SLC44A5: variants seen among roughly 807,000 people sequenced by gnomAD.
The protein encoded by SLC44A5 is choline transporter-like protein 5.
In SLC44A5, 57 loss-of-function variants were observed where a neutral mutation model predicts 101.8. The ratio of observed to expected loss-of-function variants is 0.56; its 90% CI spans 0.45 to 0.70. The LOEUF is 0.70. Among genes scored for constraint, SLC44A5 ranks in the 30% least tolerant of loss-of-function variants. The pLI, the probability that SLC44A5 is intolerant of heterozygous loss-of-function variation, is 0.00. For missense variants in SLC44A5, 737 were observed against 853.1 expected (o/e 0.86, Z 1.70); for synonymous variants, 281 against 290.9 (o/e 0.97, Z 0.35).
intron 2 of SLC44A5, among the ~76,000 whole-genome samples, chr1:75,440,825 A>G (rs150900159): frequency 6.6e-6 from 1 of 152,218 alleles, no homozygotes; most frequent in African/African-American, 2.4e-5. Context: ...ATAGTACTTC[A>G]CTGAAGGAAT....
intron 9 of SLC44A5, 65 bp downstream of exon 9, chr1:75,241,936 G>T: frequency 7.3e-7 from 1 of 1,371,102 alleles, no homozygotes; most frequent in South Asian, 1.2e-5. Flanking sequence ...TGTGAAATAC[G>T]GGAACTTAAT....
intron 1 of SLC44A5, among the ~76,000 whole-genome samples, chr1:75,555,693 A>G (rs1239899506): frequency 1.3e-5 from 2 of 152,088 alleles, no homozygotes; most frequent in Non-Finnish European, 2.9e-5. Flanking sequence ...GGGTAGTCAC[A>G]AAGTCTAATG....
chr1:75,210,505 C>T (rs1033739010), intron 23 of SLC44A5, among the ~76,000 whole-genome samples: 3 of 152,208 alleles, frequency 2.0e-5, no homozygotes, highest in African/African-American at 7.2e-5. Flanking sequence ...GCACTCCTCT[C>T]CGAATCCTAT....
chr1:75,671,696 G>C, the SLC44A5 span, among the ~76,000 whole-genome samples: 5 of 152,196 alleles, frequency 3.3e-5, no homozygotes, highest in Admixed American at 2.6e-4. Context: ...AGAATTGATA[G>C]TGATGAGTGC....
At position 75,214,666 on chromosome 1, in the gene SLC44A5, C is replaced by T; in HGVS notation, c.1741G>A (p.Gly581Ser). ...TTTGCTGACCTGCAGAAGTTTCTGC[C>T]ATATATTGCAATCTGAGGAAGACAG... ...RNAYIMIAIY[G>S]RNFCRSAKDA... The change falls in exon 20 of 24, where the codon GGC becomes AGC. Residue 581 changes from glycine (G) to serine (S), a missense_variant. Physicochemically the swap from Gly to Ser is moderately conservative, Grantham distance 56. This residue lies in a region of SLC44A5 where 665 missense variants were observed against 764.4 expected (regional missense o/e 0.87). Transcript: ENST00000370859. 6.2e-7 allele frequency: 1 copy of T among 1,610,912 alleles called. No individual in the cohort carries two copies. The highest frequency in any genetic ancestry group is 1.3e-5 in the African/African-American group (1 of 74,950).
In SLC44A5 at chr1:75,428,621, T is replaced by A. The variant is rs972770709; in HGVS notation, c.14-32000A>T. Among the ~76,000 whole-genome samples, 4 of 152,184 alleles carry A rather than the reference T, an allele frequency of 2.6e-5. No homozygotes were observed. The South Asian group carries it at 8.3e-4, about 32-fold the overall frequency. On this transcript the variant is annotated intron_variant, in intron 2 of 23. Transcript: ENST00000370859. ...ACCAAGAGGGCACTATTTAGCATAATAAACTAAACCTGACAGGCATCCCCA... is the reference window on the plus strand; with the variant it reads ...ACCAAGAGGGCACTATTTAGCATAAAAAACTAAACCTGACAGGCATCCCCA...
the SLC44A5 span, among the ~76,000 whole-genome samples, chr1:75,670,394 C>T: frequency 6.6e-6 from 1 of 152,024 alleles, no homozygotes; most frequent in African/African-American, 2.4e-5. Flanking sequence ...CTAGACAACA[C>T]AAAATGAAAT....
At chr1:75,509,082 G>C (rs1438398325) in intron 2 of SLC44A5, among the ~76,000 whole-genome samples, 4 of 152,210 alleles carry the variant, frequency 2.6e-5, no homozygotes, top group Admixed American at 6.5e-5. Flanking sequence ...GACTGGCATG[G>C]GCCTTCAGAA....
rs530894440 is a variant in SLC44A5 at position 75,477,627 on chromosome 1, T to C, written c.13+63808A>G. On this transcript the variant is annotated intron_variant, in intron 2 of 23. Transcript: ENST00000370859. ...AATGCAGAAGCCTCAGGAGCCGATG[T>C]GATCAACTGGAAGAAAGGGTATCAG... Among the ~76,000 whole-genome samples the C allele has an allele frequency of 6.5e-4, 99 of 152,260 alleles. 2 individuals are homozygous for C. The highest frequency in any genetic ancestry group is 2.2e-3 in the African/African-American group (93 of 41,552).
the SLC44A5 span, among the ~76,000 whole-genome samples, chr1:75,620,489 G>T: frequency 6.6e-6 from 1 of 152,080 alleles, no homozygotes; most frequent in Non-Finnish European, 1.5e-5. Flanking sequence ...ATCCTCTCCA[G>T]CATCTGTTAT....
intron 5 of SLC44A5, among the ~76,000 whole-genome samples, chr1:75,293,858 T>G (rs1223051918): frequency 6.6e-6 from 1 of 152,130 alleles, no homozygotes; most frequent in Non-Finnish European, 1.5e-5. Context: ...TACTAAAATA[T>G]CTGCTCAAGT....
At chr1:75,395,425 C>T (rs555000129) in intron 3 of SLC44A5, among the ~76,000 whole-genome samples, 1 of 152,154 alleles carries the variant, frequency 6.6e-6, no homozygotes, top group Non-Finnish European at 1.5e-5. Flanking sequence ...TGGAAATTTA[C>T]AAAATAGCCT....
rs1265721174 is a variant in SLC44A5, at chr1:75,204,406, T to G, written c.2048-573A>C. The G allele has an allele frequency of 2.0e-5, 3 of 152,166 alleles. No homozygotes were observed. The East Asian group carries it at 5.8e-4, about 29-fold the overall frequency. The allele number at this position is 152,166 out of a possible 1,614,324, so 9.4% of individuals were successfully genotyped here. A position where few individuals can be genotyped will look rare whatever the true frequency, so the allele number is the denominator to read the frequency against. On this transcript the variant is annotated intron_variant, in intron 23 of 23. Coordinates refer to ENST00000370859, the MANE Select transcript of SLC44A5 (RefSeq NM_001130058.2). ...ACAAATAAGTAGTAAATGGAGAATA[T>G]TTTTCTGACTAGATGTTAGCTCATA...
upstream of SLC44A5, among the ~76,000 whole-genome samples, chr1:75,612,320 C>T (rs1675690901): frequency 6.6e-6 from 1 of 152,118 alleles, no homozygotes; most frequent in Non-Finnish European, 1.5e-5. Flanking sequence ...ACTCTATATT[C>T]CTTTTTATGA....
At chr1:75,581,747 A>G (rs895906471) in intron 1 of SLC44A5, among the ~76,000 whole-genome samples, 3 of 152,190 alleles carry the variant, frequency 2.0e-5, no homozygotes, top group Non-Finnish European at 4.4e-5. Flanking sequence ...CACAGAAATC[A>G]GTGAATCCTC....
intron 2 of SLC44A5, among the ~76,000 whole-genome samples, chr1:75,416,208 G>A (rs985841949): frequency 2.0e-4 from 30 of 152,280 alleles, no homozygotes; most frequent in African/African-American, 7.2e-4. Context: ...TCTCCCTACT[G>A]TGTGCAGCCT....
intron 12 of SLC44A5, 136 bp downstream of exon 12, chr1:75,233,850 C>T (rs1647821700): frequency 3.1e-6 from 2 of 648,554 alleles, no homozygotes; most frequent in African/African-American, 3.8e-5. Flanking sequence ...AATATTTTTT[C>T]TAAGTTTAAA....
intron 4 of SLC44A5, among the ~76,000 whole-genome samples, chr1:75,319,412 T>A (rs1368335742): frequency 6.6e-6 from 1 of 152,216 alleles, no homozygotes; most frequent in African/African-American, 2.4e-5. Context: ...AGCATGGACC[T>A]CAATAATAGA....
At position 75,396,639 on chromosome 1, in the gene SLC44A5, A is replaced by G. The variant is rs1305735220; in HGVS notation, c.14-18T>C. The stretch of plus-strand genomic sequence containing the variant: ...TGGTTTTTCTAGGAAAAAGCACAAA[A>G]GGCAAAAAAAATATTTGTAGGGGCT... On this transcript the variant is annotated intron_variant, in intron 2 of 23. Transcript: ENST00000370859. 6.2e-7 allele frequency: 1 copy of G among 1,609,244 alleles called. No homozygotes were observed. Among genetic ancestry groups the G allele is most frequent in the African/African-American group, 1.3e-5 (1 of 74,926 alleles).
Sources: gnomAD v4.1 joint callset for allele counts (sites outside exome capture counted in the v4.1 genomes callset) on GRCh38, gnomAD v4.1.1 for gene constraint, gnomAD v4.1.1 regional missense constraint, MANE v1.5 for transcripts, NCBI Gene and HGNC (gene_info 2026-07-23, HGNC 2026-07-21) for gene names.